Variants in GPAM observed in about 807,000 individuals in gnomAD.
The protein encoded by GPAM is glycerol-3-phosphate acyltransferase 1, mitochondrial.
In GPAM, 56 loss-of-function variants were observed where a neutral mutation model predicts 105.0. The ratio of observed to expected loss-of-function variants is 0.53; its 90% CI spans 0.43 to 0.67. GPAM has a LOEUF of 0.67. Among genes scored for constraint, GPAM ranks in the 30% least tolerant of loss-of-function variants. The pLI is 0.00. For synonymous variants in GPAM, 368 were observed against 354.4 expected, an observed-to-expected ratio of 1.04 and a Z score of -0.43; for missense variants, 855 against 989.8, an observed-to-expected ratio of 0.86 and a Z score of 1.83.
intron 11 of GPAM, among the ~76,000 whole-genome samples, chr10:112,167,602 C>A (rs1847240799): frequency 6.6e-6 from 1 of 152,166 alleles, no homozygotes; most frequent in Non-Finnish European, 1.5e-5. Flanking sequence ...GCAAAGGAAA[C>A]CAGATGCGTA....
intron 3 of GPAM, 135 bp from the exon 4 acceptor site, chr10:112,180,730 C>A: frequency 1.3e-6 from 1 of 761,852 alleles, no homozygotes; most frequent in East Asian, 2.6e-5. Context: ...TTAAGTACTC[C>A]CTCCATGATC....
At chr10:112,194,863 A>G (rs1847704882) in intron 1 of GPAM, among the ~76,000 whole-genome samples, 1 of 152,082 alleles carries the variant, frequency 6.6e-6, no homozygotes, top group African/African-American at 2.4e-5. Context: ...CCATCTCCTC[A>G]GCAGGCCAAG....
upstream of GPAM, among the ~76,000 whole-genome samples, chr10:112,220,345 T>C (rs1471779229): frequency 6.6e-6 from 1 of 152,230 alleles, no homozygotes; most frequent in Non-Finnish European, 1.5e-5. Flanking sequence ...TCTTTCTCTA[T>C]TGGAATTCTC....
intron 1 of GPAM, among the ~76,000 whole-genome samples, chr10:112,195,018 TG>T (rs769693524): frequency 1.3e-5 from 2 of 152,120 alleles, no homozygotes; most frequent in Non-Finnish European, 2.9e-5. Flanking sequence ...CCATCTTCAC[TG>T]GGGGGCATAA....
Position 112,212,530 on chromosome 10 carries a change from G to A in GPAM, n.210+2638C>T, listed in dbSNP as rs528027738. On this transcript the variant is annotated intron_variant and non_coding_transcript_variant, in intron 1 of 3. Coordinates refer to the GPAM transcript ENST00000480130. ...CGCCCGCATCGACCTCCCAAAGTGC[G>A]GGGATTACAGGCATGAGCCACCGTG... 1.4e-4 allele frequency among the ~76,000 whole-genome samples: 22 copies of A among 152,244 alleles called. No individual in the cohort carries two copies. The South Asian group carries it at 4.4e-3, about 30-fold the overall frequency.
At chr10:112,185,204 G>A (rs1847577526), upstream of GPAM, among the ~76,000 whole-genome samples, 1 of 151,988 alleles carries the variant, frequency 6.6e-6, no homozygotes, top group African/African-American at 2.4e-5. Context: ...TGAGAACAAA[G>A]TGTCCCAGAG....
At position 112,168,442 on chromosome 10, in the gene GPAM, C is replaced by G; in HGVS notation, c.977G>C (p.Cys326Ser). 6.2e-7 allele frequency: 1 copy of G among 1,612,240 alleles called. No homozygotes were observed. ...AACTGACAAAAGTCCTGCCCGAGCA[C>G]AAGAGGTTTTTCCACTCCTAGAACG... is the stretch of plus-strand genomic sequence containing the variant. ...GTRSRSGKTS[C>S]ARAGLLSVVV... The change falls in exon 11 of 22, where the codon TGT (cysteine) becomes TCT (serine). Residue 326 changes from cysteine to serine, a missense_variant. Coordinates refer to ENST00000348367, the MANE Select transcript of GPAM (RefSeq NM_001244949.2).
In GPAM at chr10:112,154,620, G is replaced by A. The variant is rs371600789; in HGVS notation, c.2370+9C>T. 5.1e-6 allele frequency: 8 copies of A among 1,570,886 alleles called. No homozygotes were observed. The highest frequency in any genetic ancestry group is 7.0e-6 in the Non-Finnish European group (8 of 1,140,700). On this transcript the variant is annotated intron_variant, in intron 21 of 21. Transcript: ENST00000348367. ...GATAGCTTTTATACCATAAATGGTG[G>A]ACACCTACCCCAATATCCTTAAACA...
chr10:112,185,391 A>G (rs2133275380), upstream of GPAM, among the ~76,000 whole-genome samples: 1 of 152,282 alleles, frequency 6.6e-6, no homozygotes, highest in East Asian at 1.9e-4. Context: ...AAATAAGAGA[A>G]CAAGGACATT....
At chr10:112,214,524 G>C (rs1191321970) in intron 1 of GPAM, 3 of 152,160 alleles carry the variant, frequency 2.0e-5, no homozygotes, top group African/African-American at 7.2e-5. Flanking sequence ...CAGTGAGAAA[G>C]TCCTTTGACA....
At chr10:112,160,159 G>C in intron 16 of GPAM, 106 bp from the exon 17 acceptor site, 1 of 1,130,854 alleles carries the variant, frequency 8.8e-7, no homozygotes, top group Non-Finnish European at 1.3e-6. Flanking sequence ...AAAAATAATG[G>C]CCTGTATTTG....
chr10:112,176,941 T>C (rs537209234), intron 5 of GPAM, among the ~76,000 whole-genome samples: 21 of 152,128 alleles, frequency 1.4e-4, no homozygotes, highest in Admixed American at 7.8e-4. Flanking sequence ...CTGTCTCTAA[T>C]TGAGGGCAAG....
intron 5 of GPAM, among the ~76,000 whole-genome samples, chr10:112,176,826 T>G (rs1359772043): frequency 6.6e-6 from 1 of 152,202 alleles, no homozygotes; most frequent in Admixed American, 6.5e-5. Context: ...GTTTTAGGCT[T>G]TGCTTCATAG....
intron 6 of GPAM, among the ~76,000 whole-genome samples, 192 bp downstream of exon 6, chr10:112,175,408 C>T (rs1377810193): frequency 6.6e-6 from 1 of 152,344 alleles, no homozygotes; most frequent in African/African-American, 2.4e-5. Flanking sequence ...CCACATGGCA[C>T]TGTCACCAAA....
rs1589597474 is a variant in GPAM at position 112,180,482 on chromosome 10, G to C, written c.216C>G (p.Pro72=). The part of the protein sequence containing the change: ...FVGRCCYSCT[P]QSWDKFFNPS... The stretch of plus-strand genomic sequence containing the variant: ...GCAGTAAGGTTCTTACCCAGCTCTG[G>C]GGAGTGCAGGAGTAACAACATCTTC... The change falls in exon 4 of 22, where the codon CCC becomes CCG. Residue 72 remains proline (P), a synonymous_variant. Transcript: ENST00000348367. The C allele has an allele frequency of 6.2e-7, 1 of 1,613,586 alleles. No homozygotes were observed. Among genetic ancestry groups the C allele is most frequent in the East Asian group, 2.2e-5 (1 of 44,866 alleles).
upstream of GPAM, among the ~76,000 whole-genome samples, chr10:112,184,875 C>T (rs568283256): frequency 5.9e-5 from 9 of 152,012 alleles, no homozygotes; most frequent in South Asian, 2.1e-4. Context: ...TCCAGTCTTC[C>T]GCTGATTAGA....
At chr10:112,177,673 A>C (rs1847431512) in intron 5 of GPAM, among the ~76,000 whole-genome samples, 2 of 152,306 alleles carry the variant, frequency 1.3e-5, no homozygotes, top group African/African-American at 4.8e-5. Flanking sequence ...AGAGATTCAA[A>C]CCTACCGGTC....
intron 1 of GPAM, among the ~76,000 whole-genome samples, chr10:112,210,593 G>A (rs563658962): frequency 9.3e-4 from 142 of 152,336 alleles, no homozygotes; most frequent in African/African-American, 3.3e-3. Context: ...ATATGCTTCT[G>A]GAGGTCAAGG....
chr10:112,153,762 G>A, intron 21 of GPAM, 96 bp from the exon 22 acceptor site: 2 of 1,373,490 alleles, frequency 1.5e-6, no homozygotes, highest in Admixed American at 4.2e-5. Context: ...GACCTCAGAA[G>A]GCAGTAAAGG....
Sources: gnomAD v4.1 joint callset for allele counts (sites outside exome capture counted in the v4.1 genomes callset) on GRCh38, gnomAD v4.1.1 for gene constraint, MANE v1.5 for transcripts, NCBI Gene and HGNC (gene_info 2026-07-23, HGNC 2026-07-21) for gene names.